RSAD2: variants seen among roughly 807,000 people sequenced by gnomAD.
The protein encoded by RSAD2 is S-adenosylmethionine-dependent nucleotide dehydratase RSAD2.
Under a neutral mutation model 37.7 loss-of-function variants are expected in RSAD2, and 38 were observed. That is an observed-to-expected ratio of 1.01 (90% CI 0.78 to 1.32). The LOEUF is 1.32. Among genes scored for constraint, RSAD2 ranks in the 40% most tolerant of loss-of-function variants. RSAD2 has a pLI of 0.00. For missense variants in RSAD2, 428 were observed against 437.5 expected, an observed-to-expected ratio of 0.98 and a Z score of 0.19; for synonymous variants, 163 against 157.4, an observed-to-expected ratio of 1.04 and a Z score of -0.27.
At chr2:6,865,895 C>G (rs751044664) in exon 1 of RSAD2, 4 of 1,409,360 alleles carry the variant, frequency 2.8e-6, no homozygotes, top group South Asian at 1.4e-5. Context: ...CTCTCCTCCT[C>G]GCCGCGAGAT....
chr2:6,888,005 A>T (rs1015527052), intron 3 of RSAD2, among the ~76,000 whole-genome samples: 2 of 152,254 alleles, frequency 1.3e-5, no homozygotes, highest in Admixed American at 1.3e-4. Flanking sequence ...GGCTGAGCTT[A>T]AGTGGAAGGC....
chr2:6,896,073 G>A lies in RSAD2; in HGVS notation c.*131G>A. The A allele has an allele frequency of 1.3e-6, 1 of 781,276 alleles. No homozygotes were observed. The highest frequency in any genetic ancestry group is 2.4e-4 in the Middle Eastern group (1 of 4,114). 48.4% of individuals were successfully genotyped at this position (781,276 alleles called of 1,614,324 possible). ...TGATTTTCTGCTGCACGTGGCATCTGATTACCTGTGGTCACTGAACACACG... is the reference window on the plus strand; with the variant it reads ...TGATTTTCTGCTGCACGTGGCATCTAATTACCTGTGGTCACTGAACACACG... On this transcript the variant is annotated 3_prime_UTR_variant, in exon 6 of 6. Coordinates refer to ENST00000382040, the MANE Select transcript of RSAD2 (RefSeq NM_080657.5).
intron 3 of RSAD2, among the ~76,000 whole-genome samples, chr2:6,889,169 T>C (rs1663580711): frequency 6.6e-6 from 1 of 152,314 alleles, no homozygotes; most frequent in South Asian, 2.1e-4. Context: ...GATAGTCAAG[T>C]CTGCTCATGA....
chr2:6,867,806 C>T (rs1663131085), intron 1 of RSAD2, among the ~76,000 whole-genome samples: 1 of 152,182 alleles, frequency 6.6e-6, no homozygotes. Flanking sequence ...TTAAGTTTTC[C>T]TCTCTATTTT....
chr2:6,895,959 A>G lies in RSAD2; in HGVS notation c.*17A>G, dbSNP rs200397942. The G allele has an allele frequency of 1.1e-4, 170 of 1,609,866 alleles. No homozygotes were observed. Among genetic ancestry groups the G allele is most frequent in the Non-Finnish European group, 1.4e-4 (167 of 1,177,056 alleles). ...GATTGGTAGAGCGGAAAGTGGAACG[A>G]GACTTCAACACACCAGTGGGAAAAC... On this transcript the variant is annotated 3_prime_UTR_variant, in exon 6 of 6. Transcript: ENST00000382040.
intron 4 of RSAD2, among the ~76,000 whole-genome samples, chr2:6,890,747 A>G (rs963290135): frequency 1.3e-5 from 2 of 152,222 alleles, no homozygotes; most frequent in African/African-American, 4.8e-5. Flanking sequence ...CTCTATGTAT[A>G]ATTTTGTTAT....
At position 6,886,721 on chromosome 2, in the gene RSAD2, C is replaced by A. The variant is rs180713132; in HGVS notation, c.509-214C>A. 4.3e-4 allele frequency among the ~76,000 whole-genome samples: 65 copies of A among 152,274 alleles called. No individual in the cohort carries two copies. In the East Asian group the frequency reaches 0.012, roughly 28 times the overall value. ...ATGTGTAGAGTTTTCAAATAATCAA[C>A]TAAGTATTTGCATCATTATTTTACA... On this transcript the variant is annotated intron_variant, in intron 2 of 5. Coordinates refer to ENST00000382040, the MANE Select transcript of RSAD2 (RefSeq NM_080657.5).
intron 1 of RSAD2, among the ~76,000 whole-genome samples, chr2:6,880,809 A>C (rs1394375234): frequency 2.0e-5 from 3 of 151,524 alleles, no homozygotes; most frequent in Non-Finnish European, 4.4e-5. Flanking sequence ...TTGAAATTTA[A>C]ATTTTAATAT....
At chr2:6,884,619 G>T (rs1663479618) in intron 2 of RSAD2, among the ~76,000 whole-genome samples, 1 of 152,200 alleles carries the variant, frequency 6.6e-6, no homozygotes. Context: ...AGTACTGCAT[G>T]TCCAGGTCAA....
At position 6,883,490 on chromosome 2, in the gene RSAD2, A is replaced by G. The variant is rs1278153936; in HGVS notation, c.466A>G (p.Ser156Gly). The change falls in exon 2 of 6, where the codon AGC (serine) becomes GGC (glycine). Residue 156 changes from serine to glycine, a missense_variant. By Grantham distance (56) the Ser-to-Gly change is moderately conservative (BLOSUM62 0). Coordinates refer to ENST00000382040, the MANE Select transcript of RSAD2 (RefSeq NM_080657.5). The stretch of plus-strand genomic sequence containing the variant: ...GCGGCTGCCCAGCGTGAGCATCGTG[A>G]GCAATGGAAGCCTGATCCGGGAGAG... Reference protein sequence around the residue: ...ELRLPSVSIVSNGSLIRERWF... With the variant: ...ELRLPSVSIVGNGSLIRERWF... 3 of 1,613,978 alleles carry G rather than the reference A, an allele frequency of 1.9e-6. No homozygotes were observed. The Admixed American group carries it at 5.0e-5, about 27-fold the overall frequency.
intron 1 of RSAD2, among the ~76,000 whole-genome samples, chr2:6,869,786 G>A (rs1425095856): frequency 6.6e-6 from 1 of 152,204 alleles, no homozygotes; most frequent in Non-Finnish European, 1.5e-5. Context: ...GAACAAATGT[G>A]GAACAGAAAT....
intron 3 of RSAD2, among the ~76,000 whole-genome samples, chr2:6,887,941 A>C (rs1448911781): frequency 6.6e-6 from 1 of 152,242 alleles, no homozygotes; most frequent in Non-Finnish European, 1.5e-5. Context: ...AGATGTGGGA[A>C]AAGTCACATG....
upstream of RSAD2, among the ~76,000 whole-genome samples, chr2:6,872,823 T>TA (rs1653588023): frequency 6.6e-6 from 1 of 152,210 alleles, no homozygotes; most frequent in African/African-American, 2.4e-5. Flanking sequence ...TACAGAACTT[T>TA]AAAATTTGAT....
At chr2:6,885,775 G>A (rs540256090) in intron 2 of RSAD2, among the ~76,000 whole-genome samples, 3 of 152,286 alleles carry the variant, frequency 2.0e-5, no homozygotes, top group African/African-American at 7.2e-5. Context: ...TATGTTTTTG[G>A]TTTTGAACTT....
upstream of RSAD2, among the ~76,000 whole-genome samples, chr2:6,874,187 C>T (rs1001550167): frequency 6.6e-6 from 1 of 152,122 alleles, no homozygotes; most frequent in Non-Finnish European, 1.5e-5. Context: ...TCTTCTCCCC[C>T]TTTTCCTTCT....
At chr2:6,889,197 G>C (rs2103246936) in intron 3 of RSAD2, among the ~76,000 whole-genome samples, 1 of 152,272 alleles carries the variant, frequency 6.6e-6, no homozygotes, top group Non-Finnish European at 1.5e-5. Context: ...CTACATGGAA[G>C]GGCACTCCCT....
intron 1 of RSAD2, among the ~76,000 whole-genome samples, chr2:6,868,417 A>G (rs1663144898): frequency 6.6e-6 from 1 of 152,234 alleles, no homozygotes; most frequent in Non-Finnish European, 1.5e-5. Flanking sequence ...GATACCCAAA[A>G]GAGAATATTA....
At chr2:6,877,683 T>A, upstream of RSAD2, 1 of 731,186 alleles carries the variant, frequency 1.4e-6, no homozygotes, top group Non-Finnish European at 2.2e-6. Flanking sequence ...TGAGTGTTAG[T>A]CAAAGAAGGT....
At chr2:6,890,091 A>T in intron 3 of RSAD2, 85 bp from the exon 4 acceptor site, 1 of 1,308,900 alleles carries the variant, frequency 7.6e-7, no homozygotes, top group Non-Finnish European at 1.1e-6. Context: ...CTCAGAAGAG[A>T]TGAAGCTTGA....
Sources: gnomAD v4.1 joint callset for allele counts (sites outside exome capture counted in the v4.1 genomes callset) on GRCh38, gnomAD v4.1.1 for gene constraint, MANE v1.5 for transcripts, NCBI Gene and HGNC (gene_info 2026-07-23, HGNC 2026-07-21) for gene names.